Variants in RBFOX1 observed in about 807,000 individuals in gnomAD.
The protein encoded by RBFOX1 is RNA binding protein fox-1 homolog 1.
Under a neutral mutation model 57.7 loss-of-function variants are expected in RBFOX1, and 8 were observed. The ratio of observed to expected loss-of-function variants is 0.14; its 90% CI spans 0.08 to 0.25. The LOEUF is 0.25. RBFOX1 is among the 10% of genes least tolerant of loss of function. The pLI is 1.00. For synonymous variants in RBFOX1, 326 were observed against 222.4 expected (o/e 1.47, Z -4.15); for missense variants, 611 against 548.5 (o/e 1.11, Z -1.14).
chr16:6,902,463 T>G (rs1022475538), intron 3 of RBFOX1, among the ~76,000 whole-genome samples: 1 of 152,166 alleles, frequency 6.6e-6, no homozygotes, highest in Non-Finnish European at 1.5e-5. Flanking sequence ...AAACCATGCT[T>G]GTAATCCTAG....
At chr16:7,327,716 C>G (rs920856220) in intron 4 of RBFOX1, among the ~76,000 whole-genome samples, 3 of 152,082 alleles carry the variant, frequency 2.0e-5, no homozygotes, top group African/African-American at 4.8e-5. Context: ...ATTATTGGTA[C>G]AAAGAAATGT....
chr16:5,831,765 G>A (rs1468449607), intron 3 of RBFOX1, among the ~76,000 whole-genome samples: 4 of 152,008 alleles, frequency 2.6e-5, no homozygotes, highest in South Asian at 2.1e-4. Flanking sequence ...ATTACCCCGT[G>A]TCAAGTATTC....
intron 4 of RBFOX1, among the ~76,000 whole-genome samples, chr16:5,905,065 T>C (rs1269638674): frequency 9.2e-5 from 2 of 21,776 alleles, no homozygotes; most frequent in Admixed American, 5.3e-4. Flanking sequence ...TGACTGGTGC[T>C]TTTTTTTTTT....
intron 4 of RBFOX1, among the ~76,000 whole-genome samples, chr16:7,212,288 C>T (rs1378199771): frequency 1.3e-5 from 2 of 152,136 alleles, no homozygotes; most frequent in African/African-American, 4.8e-5. Context: ...TGTGTACAGT[C>T]CCTTTGCCTC....
chr16:5,366,321 G>A (rs2065714437), intron 1 of RBFOX1: 2 of 362,868 alleles, frequency 5.5e-6, no homozygotes, highest in South Asian at 4.6e-5. Flanking sequence ...AGATGATGAT[G>A]ATGATGATTT....
chr16:6,585,323 C>G (rs1186618034), intron 2 of RBFOX1, among the ~76,000 whole-genome samples: 1 of 152,176 alleles, frequency 6.6e-6, no homozygotes, highest in East Asian at 1.9e-4. Flanking sequence ...ATTGTCATTA[C>G]ACACATTTAT....
chr16:5,863,406 C>T (rs867527392), intron 3 of RBFOX1, among the ~76,000 whole-genome samples: 7 of 152,318 alleles, frequency 4.6e-5, no homozygotes, highest in Middle Eastern at 3.4e-3. Context: ...CTGATGACTG[C>T]TGATGGCTTG....
At chr16:5,720,415 A>AT (rs1453656829) in intron 3 of RBFOX1, among the ~76,000 whole-genome samples, 3 of 152,104 alleles carry the variant, frequency 2.0e-5, no homozygotes, top group Non-Finnish European at 4.4e-5. Flanking sequence ...AGATGTTGTT[A>AT]TTTTCAGCAT....
chr16:7,466,911 G>T (rs1043930961), intron 4 of RBFOX1, among the ~76,000 whole-genome samples: 2 of 152,138 alleles, frequency 1.3e-5, no homozygotes, highest in African/African-American at 4.8e-5. Context: ...TGAATTTGAG[G>T]ATTTTCAGCC....
intron 3 of RBFOX1, among the ~76,000 whole-genome samples, chr16:6,805,854 G>C (rs1359973995): frequency 1.3e-5 from 2 of 152,100 alleles, no homozygotes; most frequent in African/African-American, 4.8e-5. Flanking sequence ...TCTCCTTACA[G>C]TCACACTTGG....
At chr16:7,253,571 G>T (rs1331641236) in intron 4 of RBFOX1, among the ~76,000 whole-genome samples, 1 of 152,090 alleles carries the variant, frequency 6.6e-6, no homozygotes, top group Non-Finnish European at 1.5e-5. Context: ...ATTTCTGGAT[G>T]TCTCCTCTGT....
At chr16:7,078,369 A>C (rs1030056871) in intron 4 of RBFOX1, among the ~76,000 whole-genome samples, 1 of 152,128 alleles carries the variant, frequency 6.6e-6, no homozygotes, top group East Asian at 1.9e-4. Flanking sequence ...ATTTATTTAG[A>C]TGGAGTGTCA....
At chr16:5,654,755 C>G (rs1040827742) in intron 3 of RBFOX1, among the ~76,000 whole-genome samples, 2 of 151,974 alleles carry the variant, frequency 1.3e-5, no homozygotes, top group African/African-American at 4.8e-5. Flanking sequence ...GCCATGTTCT[C>G]CTTTCCCTTC....
At chr16:6,536,061 C>T (rs1375366042) in intron 2 of RBFOX1, among the ~76,000 whole-genome samples, 1 of 152,266 alleles carries the variant, frequency 6.6e-6, no homozygotes, top group Non-Finnish European at 1.5e-5. Flanking sequence ...GAATGGACAT[C>T]TTGTTCATAG....
At chr16:6,786,669 G>T (rs1235540312) in intron 3 of RBFOX1, among the ~76,000 whole-genome samples, 2 of 152,108 alleles carry the variant, frequency 1.3e-5, no homozygotes, top group South Asian at 4.2e-4. Flanking sequence ...GGTCAAGTAG[G>T]TCAACAAAGT....
chr16:6,754,794 G>T (rs1261364736), intron 3 of RBFOX1, among the ~76,000 whole-genome samples: 1 of 151,928 alleles, frequency 6.6e-6, no homozygotes, highest in African/African-American at 2.4e-5. Flanking sequence ...ATGCTGGTGT[G>T]CTCCACCCAT....
At chr16:6,446,999 C>G (rs752363636) in intron 2 of RBFOX1, among the ~76,000 whole-genome samples, 1 of 152,118 alleles carries the variant, frequency 6.6e-6, no homozygotes, top group African/African-American at 2.4e-5. Context: ...ATGAAAAATA[C>G]ATTTTCACTC....
intron 2 of RBFOX1, among the ~76,000 whole-genome samples, chr16:6,615,741 C>G (rs1024471359): frequency 6.6e-6 from 1 of 152,166 alleles, no homozygotes; most frequent in Non-Finnish European, 1.5e-5. Context: ...GAAAGTCTCT[C>G]TATATAGCTT....
At chr16:7,543,596 T>C (rs956680723) in intron 5 of RBFOX1, among the ~76,000 whole-genome samples, 1 of 152,018 alleles carries the variant, frequency 6.6e-6, no homozygotes, top group Non-Finnish European at 1.5e-5. Context: ...CATATTAAAA[T>C]TGAGAACCAT....
Sources: allele counts gnomAD v4.1 joint callset (sites outside exome capture counted in the v4.1 genomes callset), GRCh38; gene constraint gnomAD v4.1.1; transcripts MANE v1.5; gene names NCBI Gene and HGNC (gene_info 2026-07-23, HGNC 2026-07-21).